NUP210L: variants seen among roughly 807,000 people sequenced by gnomAD.
The protein encoded by NUP210L is nucleoporin 210 like, also known as nuclear pore membrane glycoprotein 210-like.
NUP210L carries 74 observed loss-of-function variants against 208.5 expected under a neutral mutation model. That is an observed-to-expected ratio of 0.35 (90% CI 0.29 to 0.43). NUP210L has a LOEUF of 0.43. Ranked by LOEUF, NUP210L falls within the 20% of genes least tolerant of loss-of-function variation. The probability of loss-of-function intolerance (pLI) is 1.00; values close to 1 mark genes in which losing one functional copy is unlikely to be tolerated. For synonymous variants in NUP210L, 780 were observed against 816.9 expected, an observed-to-expected ratio of 0.95 and a Z score of 0.77; for missense variants, 1,843 against 2,289.4, an observed-to-expected ratio of 0.81 and a Z score of 3.98.
intron 12 of NUP210L, among the ~76,000 whole-genome samples, chr1:154,108,243 G>A (rs61805539): frequency 0.018 from 2,715 of 151,948 alleles, 34 homozygotes; most frequent in Non-Finnish European, 0.028. Flanking sequence ...CTGCAACCTC[G>A]ACCTCCTAGG....
At chr1:154,107,242 A>C (rs1656811032) in intron 12 of NUP210L, among the ~76,000 whole-genome samples, 1 of 152,104 alleles carries the variant, frequency 6.6e-6, no homozygotes, top group Admixed American at 6.6e-5. Context: ...TTGGGAGGCC[A>C]AGGCAAGCAG....
intron 35 of NUP210L, among the ~76,000 whole-genome samples, chr1:154,006,966 A>ATATATATATATATTT (rs1211789619): frequency 6.1e-4 from 71 of 115,774 alleles, no homozygotes; most frequent in African/African-American, 2.3e-3. Flanking sequence ...ATATATATAT[A>ATATATATATATATTT]TTTTTTTTTT....
At chr1:153,996,930 T>TTTC (rs1649922573) in intron 37 of NUP210L, among the ~76,000 whole-genome samples, 1 of 146,740 alleles carries the variant, frequency 6.8e-6, no homozygotes, top group African/African-American at 2.6e-5. Context: ...GCCTCCTAAG[T>TTTC]AACTAGGACT....
chr1:154,094,870 G>T, intron 15 of NUP210L, 65 bp downstream of exon 15: 1 of 1,183,704 alleles, frequency 8.4e-7, no homozygotes, highest in Non-Finnish European at 1.2e-6. Flanking sequence ...AAAAGGAATG[G>T]CTGGAAGTAC....
chr1:154,099,699 T>C (rs1035920386), intron 14 of NUP210L, among the ~76,000 whole-genome samples: 4 of 152,350 alleles, frequency 2.6e-5, no homozygotes, highest in African/African-American at 9.6e-5. Context: ...AAGATTAGTG[T>C]ACTTTATGAA....
intron 16 of NUP210L, among the ~76,000 whole-genome samples, chr1:154,074,778 C>T (rs1022225502): frequency 3.9e-5 from 6 of 152,050 alleles, no homozygotes; most frequent in Admixed American, 3.3e-4. Flanking sequence ...CGTAAGCCAC[C>T]GCACCCCGCT....
chr1:154,042,726 C>A (rs983369157), intron 27 of NUP210L, among the ~76,000 whole-genome samples: 9 of 141,884 alleles, frequency 6.3e-5, no homozygotes, highest in African/African-American at 2.6e-4. Context: ...CCGCGCCTGG[C>A]CTTTTTTTTC....
chr1:154,110,711 T>C (rs550652244), intron 12 of NUP210L, among the ~76,000 whole-genome samples: 54 of 151,322 alleles, frequency 3.6e-4, no homozygotes, highest in South Asian at 3.5e-3. Flanking sequence ...AAACCTTGTC[T>C]CTACAAAAAA....
chr1:154,044,716 G>A (rs1177588475), intron 27 of NUP210L, among the ~76,000 whole-genome samples: 6 of 151,774 alleles, frequency 4.0e-5, no homozygotes, highest in South Asian at 2.1e-4. Flanking sequence ...CTTTGTTCTC[G>A]TGAGCACTGA....
In NUP210L at chr1:154,104,238, A is replaced by G. The variant is rs765791479; in HGVS notation, c.1621-28T>C. ...GGAGGGGAAAAATTCATCTTTCAAG[A>G]AAGTTATGTTAAAAAAAAGTCTTAG... On this transcript the variant is annotated intron_variant, in intron 12 of 39. Coordinates refer to ENST00000368559, the Ensembl canonical transcript of NUP210L. 6.6e-5 allele frequency: 106 copies of G among 1,599,550 alleles called. 1 individual carries two copies. The South Asian group carries it at 1.2e-3, about 18-fold the overall frequency.
intron 25 of NUP210L, among the ~76,000 whole-genome samples, chr1:154,048,932 T>G (rs1653336417): frequency 6.6e-6 from 1 of 151,996 alleles, no homozygotes; most frequent in Non-Finnish European, 1.5e-5. Context: ...GTGCTGTATG[T>G]GGAAATGGGG....
intron 12 of NUP210L, among the ~76,000 whole-genome samples, chr1:154,116,803 G>T (rs1413824303): frequency 6.6e-6 from 1 of 152,098 alleles, no homozygotes; most frequent in Non-Finnish European, 1.5e-5. Flanking sequence ...CAATCTTTTA[G>T]TAACAGATTG....
At chr1:154,044,993 A>G (rs1653092664) in intron 27 of NUP210L, among the ~76,000 whole-genome samples, 1 of 152,144 alleles carries the variant, frequency 6.6e-6, no homozygotes, top group Admixed American at 6.6e-5. Flanking sequence ...GATATCCTAG[A>G]TGTCTATCCT....
In NUP210L at chr1:153,992,950, A is replaced by C. The variant is rs765217370; in HGVS notation, c.5567-15T>G. The C allele has an allele frequency of 6.2e-7, 1 of 1,609,248 alleles. No homozygotes were observed. The highest frequency in any genetic ancestry group is 1.3e-5 in the African/African-American group (1 of 74,616). On this transcript the variant is annotated splice_polypyrimidine_tract_variant and intron_variant, in intron 39 of 39. Coordinates refer to ENST00000368559, the Ensembl canonical transcript of NUP210L. ...GTTAAAAAAACCTAGAAGAAGAGGG[A>C]AAAGTTGAGTGAATTAAACGTGTGT...
Position 154,095,101 on chromosome 1 carries a change from A to G in NUP210L, c.2021T>C (p.Val674Ala), listed in dbSNP as rs180784616. The G allele has an allele frequency of 3.3e-4, 529 of 1,614,092 alleles. 3 individuals are homozygous for G. The East Asian group carries it at 9.0e-3, about 27-fold the overall frequency. Residue 674 changes from valine to alanine, a missense_variant, in exon 15 of 40, where the codon GTA becomes GCA. Physicochemically the swap from Val to Ala is moderately conservative, Grantham distance 64. Coordinates refer to ENST00000368559, the Ensembl canonical transcript of NUP210L. ...CCATGGACGAGGACCCCCTTCAAAT[A>G]CCATTTCCTTCACAGACTGCCATGT...
At chr1:154,041,791 A>G (rs1652894084) in intron 27 of NUP210L, among the ~76,000 whole-genome samples, 1 of 152,080 alleles carries the variant, frequency 6.6e-6, no homozygotes, top group Non-Finnish European at 1.5e-5. Flanking sequence ...ACTAAGGCAA[A>G]TATTGAAGTA....
chr1:154,076,613 C>T (rs1299073583), intron 16 of NUP210L, among the ~76,000 whole-genome samples: 1 of 151,868 alleles, frequency 6.6e-6, no homozygotes, highest in Non-Finnish European at 1.5e-5. Context: ...CAGATTTGAA[C>T]AGGCTGAAGA....
chr1:154,115,257 C>T (rs1657262558), intron 12 of NUP210L, among the ~76,000 whole-genome samples: 1 of 152,090 alleles, frequency 6.6e-6, no homozygotes, highest in Admixed American at 6.6e-5. Flanking sequence ...GTATTGGTTC[C>T]CCATTGTCTA....
At position 154,109,643 on chromosome 1, in the gene NUP210L, C is replaced by G. The variant is rs188141013; in HGVS notation, c.1621-5433G>C. Among the ~76,000 whole-genome samples, 144 of 151,584 alleles carry G rather than the reference C, an allele frequency of 9.5e-4. 9 individuals carry two copies. The highest frequency in any genetic ancestry group is 3.4e-3 in the African/African-American group (141 of 40,918). Reference sequence around the variant, plus strand: ...CTTGATCATATTCAAGAATAGACTACGTTAGGTCCAAAACAATTGTTCAAA... The same window carrying G: ...CTTGATCATATTCAAGAATAGACTAGGTTAGGTCCAAAACAATTGTTCAAA... On this transcript the variant is annotated intron_variant, in intron 12 of 39. Transcript: ENST00000368559.
Sources: gnomAD v4.1 joint callset for allele counts (sites outside exome capture counted in the v4.1 genomes callset) on GRCh38, gnomAD v4.1.1 for gene constraint, MANE v1.5 for transcripts, NCBI Gene and HGNC (gene_info 2026-07-23, HGNC 2026-07-21) for gene names.